Variants in ROBO1 observed in about 807,000 individuals in gnomAD.
ROBO1 encodes roundabout guidance receptor 1.
A neutral mutation model predicts 195.9 loss-of-function variants in ROBO1; 149 were observed. The ratio of observed to expected loss-of-function variants is 0.76; its 90% CI spans 0.67 to 0.87. The LOEUF is 0.87. Ranked by LOEUF, ROBO1 falls within the 40% of genes least tolerant of loss-of-function variation. The probability of loss-of-function intolerance (pLI) is 0.00; values close to 1 mark genes in which losing one functional copy is unlikely to be tolerated. For missense variants in ROBO1, 1,933 were observed against 2,068.3 expected, an observed-to-expected ratio of 0.93 and a Z score of 1.27; for synonymous variants, 816 against 733.2, an observed-to-expected ratio of 1.11 and a Z score of -1.82.
intron 4 of ROBO1, among the ~76,000 whole-genome samples, chr3:78,842,845 G>C (rs1034002039): frequency 6.6e-6 from 1 of 151,800 alleles, no homozygotes. Flanking sequence ...CTGATGCAGT[G>C]AGTTAACTCT....
intron 4 of ROBO1, among the ~76,000 whole-genome samples, chr3:78,906,350 A>T (rs927564919): frequency 5.3e-5 from 8 of 152,142 alleles, no homozygotes; most frequent in Admixed American, 4.6e-4. Flanking sequence ...TGCACACAAA[A>T]TGGGACCAAT....
chr3:78,676,779 A>G (rs576761697), intron 10 of ROBO1, among the ~76,000 whole-genome samples: 2 of 152,366 alleles, frequency 1.3e-5, no homozygotes, highest in South Asian at 4.1e-4. Context: ...GAACTTCCCC[A>G]ATCTGGCATG....
At chr3:78,959,951 A>G (rs1221253075) in intron 3 of ROBO1, among the ~76,000 whole-genome samples, 1 of 152,096 alleles carries the variant, frequency 6.6e-6, no homozygotes, top group African/African-American at 2.4e-5. Flanking sequence ...GGAGTGGGGG[A>G]GGGTGGCATG....
At chr3:79,236,266 A>G (rs1312922676) in intron 2 of ROBO1, among the ~76,000 whole-genome samples, 3 of 152,044 alleles carry the variant, frequency 2.0e-5, no homozygotes, top group African/African-American at 4.8e-5. Flanking sequence ...CATTACCTCT[A>G]CTTGCCCCCT....
intron 4 of ROBO1, among the ~76,000 whole-genome samples, chr3:78,873,695 G>T (rs1033196757): frequency 4.6e-5 from 7 of 152,000 alleles, no homozygotes; most frequent in Non-Finnish European, 8.8e-5. Context: ...CCTGAGCGAG[G>T]TTAGGAAATT....
At chr3:79,583,171 G>C (rs1030814850) in intron 2 of ROBO1, among the ~76,000 whole-genome samples, 1 of 151,890 alleles carries the variant, frequency 6.6e-6, no homozygotes, top group African/African-American at 2.4e-5. Context: ...TTCCTATTCT[G>C]AACAGTTTTC....
At chr3:78,808,771 T>G (rs1001519015) in intron 4 of ROBO1, among the ~76,000 whole-genome samples, 17 of 152,082 alleles carry the variant, frequency 1.1e-4, no homozygotes, top group Admixed American at 2.0e-4. Flanking sequence ...TAATAAATGG[T>G]GTTGGGAAAA....
chr3:78,979,581 T>C (rs2076949661), intron 3 of ROBO1, among the ~76,000 whole-genome samples: 1 of 152,198 alleles, frequency 6.6e-6, no homozygotes, highest in Non-Finnish European at 1.5e-5. Context: ...AAACTTAGGA[T>C]ACTATAAATT....
intron 2 of ROBO1, among the ~76,000 whole-genome samples, chr3:79,195,322 T>C (rs1233906996): frequency 2.0e-5 from 3 of 151,672 alleles, no homozygotes; most frequent in Non-Finnish European, 4.4e-5. Flanking sequence ...TTTATTATGA[T>C]TTTACAATTC....
chr3:79,287,564 T>A (rs765814475), intron 2 of ROBO1, among the ~76,000 whole-genome samples: 7 of 152,196 alleles, frequency 4.6e-5, no homozygotes, highest in Non-Finnish European at 7.4e-5. Context: ...ACACAATGAC[T>A]AGTTATCCCC....
At chr3:78,928,619 C>G (rs531427506) in intron 4 of ROBO1, among the ~76,000 whole-genome samples, 2 of 152,184 alleles carry the variant, frequency 1.3e-5, no homozygotes, top group African/African-American at 4.8e-5. Context: ...AATATTGTTC[C>G]TCTTTCATCA....
intron 1 of ROBO1, among the ~76,000 whole-genome samples, chr3:79,622,105 G>A (rs1461730372): frequency 6.6e-6 from 1 of 152,124 alleles, no homozygotes; most frequent in East Asian, 1.9e-4. Context: ...AAGCCACAGA[G>A]GGCAGGGGAG....
At chr3:79,374,313 T>C (rs545551862) in intron 2 of ROBO1, among the ~76,000 whole-genome samples, 172 of 152,024 alleles carry the variant, frequency 1.1e-3, no homozygotes, top group African/African-American at 4.0e-3. Flanking sequence ...GGATAGAAAA[T>C]ATAATAAATA....
intron 3 of ROBO1, chr3:79,018,729 A>AGGCCGGGCGCGGTGGCTCACGCCTGT: frequency 8.1e-7 from 1 of 1,241,522 alleles, no homozygotes; most frequent in South Asian, 2.2e-5. Flanking sequence ...AGAACCATCC[A>AGGCCGGGCGCGGTGGCTCACGCCTGT]AAGCGAACAA....
At chr3:79,625,754 T>C (rs571804663) in intron 1 of ROBO1, among the ~76,000 whole-genome samples, 1 of 152,152 alleles carries the variant, frequency 6.6e-6, no homozygotes, top group African/African-American at 2.4e-5. Context: ...ACCAGATGGA[T>C]TAACAGCTGA....
intron 16 of ROBO1, chr3:78,660,771 A>G (rs1433773445): frequency 6.4e-6 from 2 of 312,912 alleles, no homozygotes; most frequent in East Asian, 1.1e-4. Context: ...TGAATAATTA[A>G]ATTTCTATAT....
intron 8 of ROBO1, among the ~76,000 whole-genome samples, chr3:78,700,570 T>G (rs575554906): frequency 3.3e-4 from 50 of 152,302 alleles, no homozygotes; most frequent in African/African-American, 1.2e-3. Flanking sequence ...AGTTTAATAG[T>G]AAGAAGGCAT....
intron 3 of ROBO1, among the ~76,000 whole-genome samples, chr3:79,053,504 T>G (rs776539240): frequency 6.6e-5 from 10 of 151,976 alleles, no homozygotes; most frequent in Non-Finnish European, 1.0e-4. Context: ...AACTAAAATT[T>G]ACCTGTAATT....
Position 79,420,032 on chromosome 3 carries a change from C to A in ROBO1, c.88+169792G>T, listed in dbSNP as rs1039253098. 5.9e-5 allele frequency among the ~76,000 whole-genome samples: 9 copies of A among 152,018 alleles called. 1 individual carries two copies. In the East Asian group the frequency reaches 7.7e-4, roughly 13 times the overall value. On this transcript the variant is annotated intron_variant, in intron 2 of 30. Coordinates refer to ENST00000464233, the MANE Select transcript of ROBO1 (RefSeq NM_002941.4). ...TGATGGCATTAACAGAAAATGAAGT[C>A]TTTTGCTAGAACTTAAATAGAAATA... is the stretch of plus-strand genomic sequence containing the variant.
Sources: allele counts gnomAD v4.1 joint callset (sites outside exome capture counted in the v4.1 genomes callset), GRCh38; gene constraint gnomAD v4.1.1; transcripts MANE v1.5; gene names NCBI Gene and HGNC (gene_info 2026-07-23, HGNC 2026-07-21).